PYHIN1: variants seen among roughly 807,000 people sequenced by gnomAD.
The protein encoded by PYHIN1 is pyrin and HIN domain family member 1.
In PYHIN1, 32 loss-of-function variants were observed where a neutral mutation model predicts 43.7. The observed-to-expected ratio is 0.73, with a 90% CI of 0.55 to 0.98. PYHIN1 has a LOEUF of 0.98. Ranked by LOEUF, PYHIN1 falls within the 50% of genes least tolerant of loss-of-function variation. The pLI is 0.00. For missense variants in PYHIN1, 588 were observed against 589.5 expected (o/e 1.00, Z 0.03); for synonymous variants, 205 against 203.1 (o/e 1.01, Z -0.08).
chr1:158,979,003 A>G (rs1475257652), downstream of PYHIN1, among the ~76,000 whole-genome samples: 1 of 152,192 alleles, frequency 6.6e-6, no homozygotes, highest in African/African-American at 2.4e-5. Context: ...AGTTTGTACC[A>G]AGTGGTTCTC....
In PYHIN1 at chr1:158,944,826, G is replaced by T. The variant is rs1202379250; in HGVS notation, c.1192-49G>T. The T allele has an allele frequency of 5.2e-6, 7 of 1,344,604 alleles. No homozygotes were observed. The Admixed American group carries it at 1.1e-4, about 21-fold the overall frequency. The allele number at this position is 1,344,604 out of a possible 1,614,324, so 83.3% of individuals were successfully genotyped here. On this transcript the variant is annotated intron_variant, in intron 6 of 8. Transcript: ENST00000368140. ...ATTCTCACATATTTAAAGATGTTTTGCTTTCCCTAATATTAAAAAACATTA... is the reference window on the plus strand; with the variant it reads ...ATTCTCACATATTTAAAGATGTTTTTCTTTCCCTAATATTAAAAAACATTA...
At chr1:158,964,964 C>T (rs944363236) in intron 7 of PYHIN1, among the ~76,000 whole-genome samples, 1 of 151,982 alleles carries the variant, frequency 6.6e-6, no homozygotes, top group African/African-American at 2.4e-5. Context: ...AGAAGCAAGA[C>T]CCAATGGTAT....
chr1:158,940,759 T>C (rs1648866413), intron 4 of PYHIN1, among the ~76,000 whole-genome samples: 4 of 152,204 alleles, frequency 2.6e-5, no homozygotes, highest in Admixed American at 2.0e-4. Context: ...AAGGAATAAA[T>C]GCAGACAAAC....
chr1:158,939,004 A>C, intron 3 of PYHIN1, 76 bp from the exon 4 acceptor site: 2 of 1,121,736 alleles, frequency 1.8e-6, no homozygotes, highest in Non-Finnish European at 2.5e-6. Context: ...CAATAAATAT[A>C]TTACCTTGTA....
chr1:158,948,602 C>T (rs1649352177), intron 7 of PYHIN1, among the ~76,000 whole-genome samples: 1 of 152,176 alleles, frequency 6.6e-6, no homozygotes, highest in Non-Finnish European at 1.5e-5. Flanking sequence ...GTTTATTAGA[C>T]ACATTTCTGG....
chr1:158,981,388 T>C (rs1317326500), downstream of PYHIN1, among the ~76,000 whole-genome samples: 1 of 152,076 alleles, frequency 6.6e-6, no homozygotes, highest in African/African-American at 2.4e-5. Flanking sequence ...GGAGAATCGC[T>C]TGAACCTGGG....
chr1:158,963,162 C>A (rs1348450002), intron 7 of PYHIN1, among the ~76,000 whole-genome samples: 2 of 152,206 alleles, frequency 1.3e-5, no homozygotes, highest in East Asian at 3.9e-4. Flanking sequence ...CAACCAAAAG[C>A]CCCTCTGCCA....
downstream of PYHIN1, among the ~76,000 whole-genome samples, chr1:158,980,037 A>G (rs773098172): frequency 2.6e-5 from 4 of 152,290 alleles, no homozygotes; most frequent in Non-Finnish European, 5.9e-5. Context: ...TTGCAGCTGC[A>G]TCTATGTTCC....
downstream of PYHIN1, among the ~76,000 whole-genome samples, chr1:158,980,644 T>C (rs856139): frequency 0.98 from 149,815 of 152,132 alleles, 73,803 homozygotes; most frequent in Middle Eastern, 1. Flanking sequence ...GGGGAAACTC[T>C]GCCCTGGTAA....
At chr1:158,981,490 TAAAC>T (rs752744632), downstream of PYHIN1, among the ~76,000 whole-genome samples, 9 of 152,064 alleles carry the variant, frequency 5.9e-5, no homozygotes, top group Admixed American at 2.6e-4. Context: ...AAGAAATAAA[TAAAC>T]AAACAAACAA....
rs1323335066 is a variant in PYHIN1 at position 158,937,141 on chromosome 1, C to T, written c.231C>T (p.Asp77=). The change falls in exon 2 of 9, where the codon GAC becomes GAT. Residue 77 remains aspartate, a synonymous_variant. Transcript: ENST00000368140. ...EFFKEIPTLG[D]LAETLKREKL... is the part of the protein sequence containing the mutation. ...TCAAAGAAATACCAACACTGGGAGA[C>T]CTTGCTGAAACTCTTAAAAGAGAAA... is the stretch of plus-strand genomic sequence containing the variant. 2 of 1,603,122 alleles carry T rather than the reference C, an allele frequency of 1.2e-6. No individual in the cohort carries two copies. Among genetic ancestry groups the T allele is most frequent in the African/African-American group, 2.7e-5 (2 of 74,072 alleles).
chr1:158,957,430 G>A (rs1377339777), intron 7 of PYHIN1, among the ~76,000 whole-genome samples: 1 of 151,938 alleles, frequency 6.6e-6, no homozygotes, highest in African/African-American at 2.4e-5. Flanking sequence ...GAACAGAACA[G>A]AGCCCGCAGA....
chr1:158,940,050 A>C, intron 4 of PYHIN1: 1 of 153,196 alleles, frequency 6.5e-6, no homozygotes, highest in Non-Finnish European at 1.5e-5. Context: ...ATGGTGAAAC[A>C]CTATCTCTAC....
At chr1:158,975,092 C>A (rs1651175692) in intron 8 of PYHIN1, among the ~76,000 whole-genome samples, 3 of 152,120 alleles carry the variant, frequency 2.0e-5, no homozygotes, top group Admixed American at 2.0e-4. Flanking sequence ...TCTCCTACAC[C>A]TAACCTCCCA....
At chr1:158,954,766 G>A (rs913536199) in intron 7 of PYHIN1, among the ~76,000 whole-genome samples, 5 of 150,898 alleles carry the variant, frequency 3.3e-5, no homozygotes, top group African/African-American at 1.2e-4. Context: ...AACTTTAAAT[G>A]TAAATGGACT....
the PYHIN1 span, among the ~76,000 whole-genome samples, chr1:158,985,120 G>A: frequency 3.3e-5 from 5 of 152,122 alleles, no homozygotes; most frequent in Non-Finnish European, 5.9e-5. Context: ...TTACCATTCT[G>A]TGCCTTTTAA....
At chr1:158,942,726 T>C (rs1286531608) in intron 5 of PYHIN1, among the ~76,000 whole-genome samples, 1 of 152,222 alleles carries the variant, frequency 6.6e-6, no homozygotes, top group African/African-American at 2.4e-5. Flanking sequence ...AACATAATAC[T>C]AAACTTATTT....
At chr1:158,938,363 C>G (rs1648690501) in intron 2 of PYHIN1, 34 bp from the exon 3 acceptor site, 1 of 1,612,492 alleles carries the variant, frequency 6.2e-7, no homozygotes, top group African/African-American at 1.3e-5. Flanking sequence ...ATCATCTGCT[C>G]TGGGTTTATA....
downstream of PYHIN1, among the ~76,000 whole-genome samples, chr1:158,980,716 C>T (rs924931309): frequency 6.6e-6 from 1 of 152,128 alleles, no homozygotes; most frequent in Admixed American, 6.6e-5. Flanking sequence ...AGATGTTTAT[C>T]AAGACAATAC....
Sources: allele counts gnomAD v4.1 joint callset (sites outside exome capture counted in the v4.1 genomes callset), GRCh38; gene constraint gnomAD v4.1.1; transcripts MANE v1.5; gene names NCBI Gene and HGNC (gene_info 2026-07-23, HGNC 2026-07-21).